Variants in ZDHHC20 observed in about 807,000 individuals in gnomAD.
The protein encoded by ZDHHC20 is zDHHC palmitoyltransferase 20.
ZDHHC20 carries 43 observed loss-of-function variants against 57.8 expected under a neutral mutation model. The observed-to-expected ratio is 0.74, with a 90% confidence interval of 0.58 to 0.96. ZDHHC20 has a LOEUF of 0.96. Among genes scored for constraint, ZDHHC20 ranks in the 40% least tolerant of loss-of-function variants. The pLI is 0.00. For missense variants in ZDHHC20, 391 were observed against 441.1 expected (o/e 0.89, Z 1.02); for synonymous variants, 157 against 153.0 (o/e 1.03, Z -0.19).
chr13:21,424,407 G>A (rs1225736141), intron 2 of ZDHHC20, among the ~76,000 whole-genome samples: 5 of 152,186 alleles, frequency 3.3e-5, no homozygotes, highest in Non-Finnish European at 7.4e-5. Context: ...AACAACAAAA[G>A]ACTGTATTGA....
intron 1 of ZDHHC20, among the ~76,000 whole-genome samples, chr13:21,441,293 T>A (rs1370750578): frequency 6.6e-6 from 1 of 152,182 alleles, no homozygotes; most frequent in Admixed American, 6.5e-5. Flanking sequence ...TTTCCTCTTG[T>A]GAATGTGACA....
chr13:21,421,131 A>G lies in ZDHHC20; in HGVS notation c.179T>C (p.Leu60Pro). Reference protein sequence around the residue: ...KTVVYLVAFHLFFVMFVWSYW... With the variant: ...KTVVYLVAFHPFFVMFVWSYW... ...GGACCATACAAACATAACAAAGAAC[A>G]GATGGAAAGCCACAAGGTAAACAAC... The change falls in exon 3 of 13, where the codon CTG becomes CCG. Residue 60 changes from leucine to proline, a missense_variant. Leu to Pro is a moderately conservative substitution (Grantham distance 98). Transcript: ENST00000400590. 6.2e-7 allele frequency: 1 copy of G among 1,613,450 alleles called. No individual in the cohort carries two copies. The highest frequency in any genetic ancestry group is 1.7e-5 in the Admixed American group (1 of 60,024).
intron 1 of ZDHHC20, among the ~76,000 whole-genome samples, chr13:21,447,323 C>A (rs375414673): frequency 6.6e-6 from 1 of 150,458 alleles, no homozygotes; most frequent in Non-Finnish European, 1.5e-5. Context: ...CCTCTCCCCA[C>A]GGTCTCCCTC....
At chr13:21,440,010 T>C (rs544140016) in intron 1 of ZDHHC20, among the ~76,000 whole-genome samples, 1 of 137,568 alleles carries the variant, frequency 7.3e-6, no homozygotes, top group African/African-American at 2.8e-5. Context: ...GAGGTTTCAG[T>C]GAGCCAAGAT....
intron 7 of ZDHHC20, among the ~76,000 whole-genome samples, chr13:21,396,773 C>A (rs1876846748): frequency 6.6e-6 from 1 of 151,022 alleles, no homozygotes; most frequent in Non-Finnish European, 1.5e-5. Flanking sequence ...GTGAAGGTTA[C>A]AGTGAGCTGA....
At position 21,459,206 on chromosome 13, in the gene ZDHHC20, C is replaced by A; in HGVS notation, c.-35G>T. The A allele has an allele frequency of 6.5e-7, 1 of 1,541,414 alleles. No individual in the cohort carries two copies. ...GCGGCTGCCGAGCCCCGCGTCCCAC[C>A]GTTCTGGGGAGCGCGGGAGCCCCGG... On this transcript the variant is annotated 5_prime_UTR_variant, in exon 1 of 13. Coordinates refer to ENST00000400590, the MANE Select transcript of ZDHHC20 (RefSeq NM_001330059.2).
chr13:21,379,836 A>G (rs200617906), intron 11 of ZDHHC20, among the ~76,000 whole-genome samples: 1 of 23,354 alleles, frequency 4.3e-5, no homozygotes, highest in African/African-American at 1.4e-4. Context: ...TTTTTTTTTG[A>G]GATGGAATCT....
chr13:21,376,535 C>CTG lies in ZDHHC20; in HGVS notation c.*159_*160dup. The CTG allele has an allele frequency of 1.4e-6, 1 of 725,860 alleles. No individual in the cohort carries two copies. Among genetic ancestry groups the CTG allele is most frequent in the Non-Finnish European group, 2.1e-6 (1 of 487,324 alleles). The allele number at this position is 725,860 out of a possible 1,614,324, so 45.0% of individuals were successfully genotyped here. A position where few individuals can be genotyped will look rare whatever the true frequency, so the allele number is the denominator to read the frequency against. On this transcript the variant is annotated 3_prime_UTR_variant, in exon 13 of 13. Coordinates refer to ENST00000400590, the MANE Select transcript of ZDHHC20 (RefSeq NM_001330059.2). ...GTAGTGCTTCTGTGAATCCCAGGAA[C>CTG]TGTACAAAGGCTTTCCGTTTTAAAA...
intron 4 of ZDHHC20, among the ~76,000 whole-genome samples, chr13:21,406,690 C>T (rs1878493927): frequency 6.6e-6 from 1 of 152,168 alleles, no homozygotes; most frequent in Non-Finnish European, 1.5e-5. Context: ...CAGCTTCATC[C>T]ATGTCCCTGC....
At chr13:21,412,557 T>G (rs190984938) in intron 4 of ZDHHC20, among the ~76,000 whole-genome samples, 3 of 151,852 alleles carry the variant, frequency 2.0e-5, no homozygotes, top group Non-Finnish European at 4.4e-5. Flanking sequence ...GAAGACAGAA[T>G]GACAAAACGC....
chr13:21,388,050 A>C (rs1319577386), intron 8 of ZDHHC20, among the ~76,000 whole-genome samples: 1 of 152,182 alleles, frequency 6.6e-6, no homozygotes, highest in Non-Finnish European at 1.5e-5. Context: ...AAGAACCTAG[A>C]GTCTAGCAAA....
Position 21,372,999 on chromosome 13 carries a change from CTATAT to C in ZDHHC20, c.*3692_*3696del, listed in dbSNP as rs761659388. On this transcript the variant is annotated 3_prime_UTR_variant, in exon 13 of 13. Coordinates refer to ENST00000400590, the MANE Select transcript of ZDHHC20 (RefSeq NM_001330059.2). Reference sequence around the variant, plus strand: ...TAGAAAAATATGAACCTTTCTGAATCTATATTACATTTTTAATTTAAATTGGAAAA... The same window carrying C: ...TAGAAAAATATGAACCTTTCTGAATCTACATTTTTAATTTAAATTGGAAAA... 2.4e-4 allele frequency: 37 copies of C among 152,192 alleles called. No individual in the cohort carries two copies. The highest frequency in any genetic ancestry group is 4.0e-4 in the Non-Finnish European group (27 of 67,972). The allele number at this position is 152,192 out of a possible 1,614,324, so 9.4% of individuals were successfully genotyped here.
At chr13:21,410,455 C>T (rs1460188165) in intron 4 of ZDHHC20, among the ~76,000 whole-genome samples, 1 of 152,222 alleles carries the variant, frequency 6.6e-6, no homozygotes, top group Non-Finnish European at 1.5e-5. Flanking sequence ...GAAGCTGTGC[C>T]TACAGCTGCC....
chr13:21,417,004 T>C (rs960277128), intron 3 of ZDHHC20, among the ~76,000 whole-genome samples: 2 of 152,328 alleles, frequency 1.3e-5, no homozygotes, highest in East Asian at 1.9e-4. Flanking sequence ...CTGCCGCCTC[T>C]TCCTCACCAT....
At chr13:21,381,375 T>C in intron 11 of ZDHHC20, 59 bp downstream of exon 11, 1 of 1,287,088 alleles carries the variant, frequency 7.8e-7, no homozygotes, top group Non-Finnish European at 1.1e-6. Flanking sequence ...CCACATGTAT[T>C]ATATCTGGTG....
chr13:21,423,658 A>G (rs1208771540), intron 2 of ZDHHC20, among the ~76,000 whole-genome samples: 3 of 151,786 alleles, frequency 2.0e-5, no homozygotes, highest in Non-Finnish European at 4.4e-5. Flanking sequence ...TGAGCGACAG[A>G]GCGAGACTCC....
chr13:21,382,104 C>A, intron 10 of ZDHHC20: 1 of 336,068 alleles, frequency 3.0e-6, no homozygotes, highest in Admixed American at 3.5e-5. Flanking sequence ...GCATCTTATA[C>A]ACATTATCTC....
At chr13:21,417,052 A>G (rs1437531240) in intron 3 of ZDHHC20, among the ~76,000 whole-genome samples, 1 of 152,188 alleles carries the variant, frequency 6.6e-6, no homozygotes, top group African/African-American at 2.4e-5. Flanking sequence ...CCTGTTATAT[A>G]CGAGGTCTGA....
intron 1 of ZDHHC20, among the ~76,000 whole-genome samples, chr13:21,452,975 A>C (rs751795649): frequency 6.6e-6 from 1 of 152,242 alleles, no homozygotes; most frequent in Non-Finnish European, 1.5e-5. Flanking sequence ...ACTTAAGCCT[A>C]TATCAATAAT....
Sources: allele counts gnomAD v4.1 joint callset (sites outside exome capture counted in the v4.1 genomes callset), GRCh38; gene constraint gnomAD v4.1.1; transcripts MANE v1.5; gene names NCBI Gene and HGNC (gene_info 2026-07-23, HGNC 2026-07-21).